FRMPD4: variants seen among roughly 807,000 people sequenced by gnomAD.
FRMPD4 encodes the protein FERM and PDZ domain-containing protein 4.
Under a neutral mutation model 94.1 loss-of-function variants are expected in FRMPD4, and 22 were observed. That is an observed-to-expected ratio of 0.23 (90% CI 0.17 to 0.33). The LOEUF (loss-of-function observed/expected upper bound fraction) is 0.33, where lower values mean the gene tolerates loss of function less well. Among genes scored for constraint, FRMPD4 ranks in the 10% least tolerant of loss-of-function variants. The probability of loss-of-function intolerance (pLI) is 1.00; values close to 1 mark genes in which losing one functional copy is unlikely to be tolerated. For synonymous variants in FRMPD4, 631 were observed against 548.6 expected, an observed-to-expected ratio of 1.15 and a Z score of -2.10; for missense variants, 1,111 against 1,339.9, an observed-to-expected ratio of 0.83 and a Z score of 2.67.
At chrX:12,157,327 C>T (rs1220165108) in intron 1 of FRMPD4, among the ~76,000 whole-genome samples, 3 of 111,786 alleles carry the variant, frequency 2.7e-5, no homozygotes, top group Admixed American at 1.9e-4. Context: ...GGGAACTCTT[C>T]CCTCTTCTTC....
chrX:12,316,086 C>A (rs7064207), intron 1 of FRMPD4, among the ~76,000 whole-genome samples: 15,546 of 111,596 alleles, frequency 0.14, 942 homozygotes, highest in Non-Finnish European at 0.19. Context: ...TCAAATGATA[C>A]CTCTCAGGTG....
intron 3 of FRMPD4, among the ~76,000 whole-genome samples, chrX:12,007,456 C>G (rs1205305142): frequency 8.9e-6 from 1 of 111,941 alleles, no homozygotes; most frequent in Non-Finnish European, 1.9e-5. Flanking sequence ...CTACTCTTTC[C>G]CATGGCTTCC....
chrX:12,681,363 T>C (rs112014539), intron 5 of FRMPD4, among the ~76,000 whole-genome samples: 2,849 of 105,728 alleles, frequency 0.027, 92 homozygotes, highest in African/African-American at 0.09. Context: ...TAATCATTAC[T>C]AAAGTTGGCC....
rs143411694 is a variant in FRMPD4, at chrX:12,486,174, T to A, written c.42-12506T>A. 4.2e-3 allele frequency among the ~76,000 whole-genome samples: 468 copies of A among 111,096 alleles called. 1 individual carries two copies. The highest frequency in any genetic ancestry group is 0.015 in the African/African-American group (449 of 30,520). ...CCTGTTTCAGGAATGTATAAGGGGCTGGCAGAGATTTGCCAGGATGGAAGT... is the reference window on the plus strand; with the variant it reads ...CCTGTTTCAGGAATGTATAAGGGGCAGGCAGAGATTTGCCAGGATGGAAGT... On this transcript the variant is annotated intron_variant, in intron 1 of 16. Coordinates refer to ENST00000675598, the MANE Select transcript of FRMPD4 (RefSeq NM_001368397.1).
intron 1 of FRMPD4, among the ~76,000 whole-genome samples, chrX:12,282,531 G>A (rs1395257214): frequency 1.8e-5 from 2 of 112,014 alleles, no homozygotes; most frequent in African/African-American, 3.2e-5. Flanking sequence ...CCTGTGGCAC[G>A]TGGCAGCTGC....
chrX:12,550,785 CAT>C (rs1449631655), intron 2 of FRMPD4, among the ~76,000 whole-genome samples: 13 of 109,750 alleles, frequency 1.2e-4, no homozygotes, highest in Non-Finnish European at 2.5e-4. Flanking sequence ...TACACGTACT[CAT>C]ATATACATTT....
chrX:12,704,408 A>G lies in FRMPD4; in HGVS notation c.1120A>G (p.Met374Val). ...TFLPSAVLQSMKEKNIKKALS... is the reference protein window; with the variant it reads ...TFLPSAVLQSVKEKNIKKALS... ...TCTTCCCTCTGCTGTGCTGCAAAGCATGAAAGAGAAGAACATAAAGAAAGC... is the reference window on the plus strand; with the variant it reads ...TCTTCCCTCTGCTGTGCTGCAAAGCGTGAAAGAGAAGAACATAAAGAAAGC... Residue 374 changes from methionine (M) to valine (V), a missense_variant, in exon 11 of 17, where the codon ATG becomes GTG. Coordinates refer to ENST00000675598, the MANE Select transcript of FRMPD4 (RefSeq NM_001368397.1). The G allele has an allele frequency of 2.5e-6, 3 of 1,186,314 alleles. No homozygotes were observed. The highest frequency in any genetic ancestry group is 3.4e-6 in the Non-Finnish European group (3 of 874,882).
At chrX:12,702,053 G>T in intron 10 of FRMPD4, 43 bp downstream of exon 10, 1 of 1,145,622 alleles carries the variant, frequency 8.7e-7, no homozygotes, top group Non-Finnish European at 1.2e-6. Context: ...CAGACATGCC[G>T]CCTCCCTTAG....
intron 1 of FRMPD4, among the ~76,000 whole-genome samples, chrX:12,313,735 C>A (rs1198049738): frequency 9.0e-6 from 1 of 110,856 alleles, no homozygotes; most frequent in Non-Finnish European, 1.9e-5. Context: ...TCTTAATAAC[C>A]AACTTCTTTA....
chrX:12,599,545 G>A (rs2059065313), intron 2 of FRMPD4, among the ~76,000 whole-genome samples: 1 of 111,442 alleles, frequency 9.0e-6, no homozygotes, highest in Non-Finnish European at 1.9e-5. Context: ...CACTTGCTGT[G>A]GTAGGATTAA....
At chrX:12,029,951 A>G (rs182765297) in intron 3 of FRMPD4, among the ~76,000 whole-genome samples, 233 of 111,740 alleles carry the variant, frequency 2.1e-3, no homozygotes, top group African/African-American at 7.1e-3. Context: ...AACATAACAC[A>G]TTCTGTATAC....
intron 2 of FRMPD4, among the ~76,000 whole-genome samples, chrX:12,539,990 A>G (rs1400707124): frequency 8.9e-6 from 1 of 112,031 alleles, no homozygotes; most frequent in Non-Finnish European, 1.9e-5. Flanking sequence ...AGCCAAACTA[A>G]GCTTCATAAG....
At chrX:12,706,750 G>C in intron 11 of FRMPD4, 76 bp from the exon 12 acceptor site, 5 of 518,649 alleles carry the variant, frequency 9.6e-6, no homozygotes, top group Non-Finnish European at 1.6e-5. Context: ...TCTTACACTT[G>C]TTTTCTGCTA....
At chrX:12,081,601 A>C in intron 3 of FRMPD4, among the ~76,000 whole-genome samples, 1 of 111,862 alleles carries the variant, frequency 8.9e-6, no homozygotes, top group Non-Finnish European at 1.9e-5. Context: ...AATGACACTT[A>C]GATCACTGCT....
intron 2 of FRMPD4, among the ~76,000 whole-genome samples, chrX:12,563,283 CT>C (rs1197096866): frequency 9.2e-6 from 1 of 108,664 alleles, no homozygotes; most frequent in African/African-American, 3.5e-5. Context: ...CATACCAGAC[CT>C]CTGAATCAGA....
chrX:12,117,893 C>A (rs907248397), intron 3 of FRMPD4, among the ~76,000 whole-genome samples: 2 of 111,888 alleles, frequency 1.8e-5, no homozygotes, highest in Non-Finnish European at 3.8e-5. Flanking sequence ...TCCCAATATC[C>A]AAGTTCCAAT....
chrX:12,277,923 G>A (rs2147856074), intron 1 of FRMPD4, among the ~76,000 whole-genome samples: 1 of 112,141 alleles, frequency 8.9e-6, no homozygotes, highest in East Asian at 2.8e-4. Flanking sequence ...TTAAAAGGGG[G>A]TGATTTCTGA....
intron 1 of FRMPD4, among the ~76,000 whole-genome samples, chrX:11,825,706 T>A (rs1203707882): frequency 9.0e-6 from 1 of 111,640 alleles, no homozygotes; most frequent in African/African-American, 3.3e-5. Context: ...CAAACAAGAT[T>A]ATTAGTTGAG....
At chrX:12,141,134 A>G (rs902523750) in intron 1 of FRMPD4, among the ~76,000 whole-genome samples, 1 of 112,300 alleles carries the variant, frequency 8.9e-6, no homozygotes, top group Non-Finnish European at 1.9e-5. Flanking sequence ...AAACACTGTT[A>G]CAGAAAGCAA....
Sources: allele counts gnomAD v4.1 joint callset (sites outside exome capture counted in the v4.1 genomes callset), GRCh38; gene constraint gnomAD v4.1.1; transcripts MANE v1.5; gene names NCBI Gene and HGNC (gene_info 2026-07-23, HGNC 2026-07-21).